The following NXPH2 variants were observed in gnomAD, a reference collection of about 807,000 sequenced individuals.
The protein encoded by NXPH2 is neurexophilin-2.
Under a neutral mutation model 19.8 loss-of-function variants are expected in NXPH2, and 5 were observed. The ratio of observed to expected loss-of-function variants is 0.25; its 90% CI spans 0.13 to 0.53. NXPH2 has a LOEUF of 0.53. NXPH2 is among the 20% of genes least tolerant of loss of function. The pLI is 0.96. For synonymous variants in NXPH2, 154 were observed against 127.4 expected (o/e 1.21, Z -1.41); for missense variants, 289 against 322.8 (o/e 0.90, Z 0.80).
intron 1 of NXPH2, among the ~76,000 whole-genome samples, chr2:138,726,628 T>C (rs889284526): frequency 2.0e-5 from 3 of 151,988 alleles, no homozygotes; most frequent in Non-Finnish European, 4.4e-5. Context: ...TTTTTTTAAA[T>C]AGGCTTTATT....
At chr2:138,714,755 G>A (rs781491467) in intron 1 of NXPH2, among the ~76,000 whole-genome samples, 3 of 152,142 alleles carry the variant, frequency 2.0e-5, no homozygotes, top group Non-Finnish European at 2.9e-5. Context: ...TGTTTCAACG[G>A]ATTCATGCAA....
intron 1 of NXPH2, among the ~76,000 whole-genome samples, chr2:138,751,866 A>G (rs1681834586): frequency 6.6e-6 from 1 of 152,066 alleles, no homozygotes; most frequent in Non-Finnish European, 1.5e-5. Context: ...TTAAATTGTA[A>G]TGGTAAGTCC....
intron 1 of NXPH2, among the ~76,000 whole-genome samples, chr2:138,711,437 G>A (rs994031928): frequency 1.3e-5 from 2 of 151,964 alleles, no homozygotes; most frequent in African/African-American, 2.4e-5. Flanking sequence ...CACCGCGCCC[G>A]GCCCCTGTCA....
intron 1 of NXPH2, among the ~76,000 whole-genome samples, chr2:138,753,506 G>A (rs1157246727): frequency 6.6e-6 from 1 of 152,122 alleles, no homozygotes; most frequent in East Asian, 1.9e-4. Flanking sequence ...TGGTTTCTAG[G>A]CATGCTCATT....
chr2:138,695,820 A>G (rs143794764), intron 1 of NXPH2, among the ~76,000 whole-genome samples: 21 of 152,308 alleles, frequency 1.4e-4, no homozygotes, highest in Admixed American at 9.8e-4. Context: ...CAAATAGCCA[A>G]TGAATACTGT....
intron 1 of NXPH2, among the ~76,000 whole-genome samples, chr2:138,761,562 C>T (rs933999302): frequency 6.6e-6 from 1 of 152,144 alleles, no homozygotes; most frequent in African/African-American, 2.4e-5. Flanking sequence ...GAAAAAAGTG[C>T]TATTCTGAGA....
intron 1 of NXPH2, among the ~76,000 whole-genome samples, chr2:138,751,412 C>T (rs1453735468): frequency 1.3e-5 from 2 of 152,154 alleles, no homozygotes; most frequent in Non-Finnish European, 2.9e-5. Flanking sequence ...ATAACATCAT[C>T]TCAAATAACT....
intron 1 of NXPH2, among the ~76,000 whole-genome samples, chr2:138,697,107 A>G (rs1167625356): frequency 6.6e-6 from 1 of 152,156 alleles, no homozygotes; most frequent in Non-Finnish European, 1.5e-5. Flanking sequence ...TTCCATTTAT[A>G]TGAAACTCTA....
At chr2:138,757,051 T>C (rs936832749) in intron 1 of NXPH2, among the ~76,000 whole-genome samples, 4 of 152,226 alleles carry the variant, frequency 2.6e-5, no homozygotes, top group African/African-American at 9.6e-5. Flanking sequence ...GGTTTAAATC[T>C]ATCACAATGC....
At position 138,670,185 on chromosome 2, in the gene NXPH2, ACAT is replaced by A. The variant is rs1374409186; in HGVS notation, c.*734_*736del. ...TTGAATTTATCAGAAGAGTCTAAAA[ACAT>A]CATGATTTTTGTTATCGTTCAACAA... On this transcript the variant is annotated 3_prime_UTR_variant, in exon 2 of 2. Transcript: ENST00000272641. Among the ~76,000 whole-genome samples, 1 of 152,234 alleles carries A rather than the reference ACAT, an allele frequency of 6.6e-6. No homozygotes were observed. Among genetic ancestry groups the A allele is most frequent in the Admixed American group, 6.5e-5 (1 of 15,286 alleles).
intron 1 of NXPH2, among the ~76,000 whole-genome samples, chr2:138,677,456 C>T (rs72860156): frequency 0.088 from 13,330 of 152,128 alleles, 809 homozygotes; most frequent in Non-Finnish European, 0.11. Flanking sequence ...GCTTTTTCTG[C>T]GTCTTACAGA....
At chr2:138,712,962 A>G (rs1681127166) in intron 1 of NXPH2, among the ~76,000 whole-genome samples, 3 of 152,196 alleles carry the variant, frequency 2.0e-5, no homozygotes, top group South Asian at 2.1e-4. Flanking sequence ...TCTCTCAGCT[A>G]TATCTAACAC....
At chr2:138,767,645 T>C (rs1682112388) in intron 1 of NXPH2, among the ~76,000 whole-genome samples, 1 of 152,226 alleles carries the variant, frequency 6.6e-6, no homozygotes, top group Admixed American at 6.5e-5. Context: ...ACTGTAAAGA[T>C]ATTATTTTGT....
At chr2:138,723,055 C>A (rs1253104141) in intron 1 of NXPH2, among the ~76,000 whole-genome samples, 1 of 152,104 alleles carries the variant, frequency 6.6e-6, no homozygotes, top group African/African-American at 2.4e-5. Flanking sequence ...CCAGGGCAAG[C>A]AAAGGCAAAA....
At chr2:138,754,467 C>T (rs1364158429) in intron 1 of NXPH2, among the ~76,000 whole-genome samples, 1 of 152,138 alleles carries the variant, frequency 6.6e-6, no homozygotes, top group African/African-American at 2.4e-5. Context: ...GCTTCTTTTA[C>T]TCAGCAGTGT....
chr2:138,750,483 TAG>T (rs1345579066), intron 1 of NXPH2, among the ~76,000 whole-genome samples: 1 of 152,198 alleles, frequency 6.6e-6, no homozygotes, highest in Non-Finnish European at 1.5e-5. Flanking sequence ...AGCCAAATTG[TAG>T]AGTTATAAAC....
rs1044869860 is a variant in NXPH2 at position 138,669,594 on chromosome 2, A to G, written c.*1328T>C. Among the ~76,000 whole-genome samples the G allele has an allele frequency of 6.6e-6, 1 of 152,176 alleles. No homozygotes were observed. Among genetic ancestry groups the G allele is most frequent in the Non-Finnish European group, 1.5e-5 (1 of 68,036 alleles). On this transcript the variant is annotated 3_prime_UTR_variant, in exon 2 of 2. Coordinates refer to ENST00000272641, the MANE Select transcript of NXPH2 (RefSeq NM_007226.3). ...AATGTTTTACTTTAATTAATATTTTACAGATAAGAAGGGAGAAAGAAGTTA... is the reference window on the plus strand; with the variant it reads ...AATGTTTTACTTTAATTAATATTTTGCAGATAAGAAGGGAGAAAGAAGTTA...
intron 1 of NXPH2, among the ~76,000 whole-genome samples, chr2:138,700,545 C>T (rs4954949): frequency 1 from 151,783 of 152,302 alleles, 75,635 homozygotes; most frequent in East Asian, 1. Flanking sequence ...TTTGCACTGA[C>T]ATTTAATTTG....
At chr2:138,720,347 G>A (rs930580727) in intron 1 of NXPH2, among the ~76,000 whole-genome samples, 4 of 152,174 alleles carry the variant, frequency 2.6e-5, no homozygotes, top group African/African-American at 9.7e-5. Context: ...CGAAACATGA[G>A]TATTTACAGA....
Sources: allele counts gnomAD v4.1 joint callset (sites outside exome capture counted in the v4.1 genomes callset), GRCh38; gene constraint gnomAD v4.1.1; transcripts MANE v1.5; gene names NCBI Gene and HGNC (gene_info 2026-07-23, HGNC 2026-07-21).